NOP9: variants seen among roughly 807,000 people sequenced by gnomAD.
The protein encoded by NOP9 is NOP9 nucleolar protein.
In NOP9, 50 loss-of-function variants were observed where a neutral mutation model predicts 63.0. That is an observed-to-expected ratio of 0.79 (90% CI 0.63 to 1.00). NOP9 has a LOEUF of 1.00. Among genes scored for constraint, NOP9 ranks in the 50% least tolerant of loss-of-function variants. The pLI, the probability that NOP9 is intolerant of heterozygous loss-of-function variation, is 0.00. For synonymous variants in NOP9, 343 were observed against 332.8 expected, an observed-to-expected ratio of 1.03 and a Z score of -0.33; for missense variants, 758 against 803.0, an observed-to-expected ratio of 0.94 and a Z score of 0.68.
the NOP9 span, among the ~76,000 whole-genome samples, chr14:24,282,986 G>A: frequency 5.9e-5 from 9 of 152,210 alleles, no homozygotes; most frequent in Admixed American, 5.2e-4. Flanking sequence ...GCAGTGGGCA[G>A]CAGCATCCCA....
rs774695609 is a variant in NOP9 at position 24,303,230 on chromosome 14, C to G, written c.1284+16C>G. The stretch of plus-strand genomic sequence containing the variant: ...CTTGTTGGAGGTGAGTGGATATTAC[C>G]CACAATCTGTTTATGCCCTCAGTTC... On this transcript the variant is annotated intron_variant, in intron 6 of 9. Transcript: ENST00000267425. The G allele has an allele frequency of 6.2e-7, 1 of 1,613,884 alleles. No individual in the cohort carries two copies. Among genetic ancestry groups the G allele is most frequent in the Non-Finnish European group, 8.5e-7 (1 of 1,179,906 alleles).
chr14:24,279,130 A>G, the NOP9 span, among the ~76,000 whole-genome samples: 9 of 152,186 alleles, frequency 5.9e-5, no homozygotes, highest in Admixed American at 5.9e-4. Context: ...GCATTCAAGC[A>G]TATGTTGGTC....
the NOP9 span, among the ~76,000 whole-genome samples, chr14:24,276,654 G>A: frequency 6.6e-6 from 1 of 152,200 alleles, no homozygotes; most frequent in Non-Finnish European, 1.5e-5. Context: ...GGTCTCTTGG[G>A]TGAGACACGT....
In NOP9 at chr14:24,307,824, A is replaced by T. The variant is rs542250063; in HGVS notation, c.*2729A>T. Reference sequence around the variant, plus strand: ...GCGGAGGGTTAGCAGTCACCTGAGTAAGTCACTGGGGTTCAGAGCTGAGAG... The same window carrying T: ...GCGGAGGGTTAGCAGTCACCTGAGTTAGTCACTGGGGTTCAGAGCTGAGAG... On this transcript the variant is annotated 3_prime_UTR_variant, in exon 10 of 10. Coordinates refer to ENST00000267425, the MANE Select transcript of NOP9 (RefSeq NM_174913.3). 4 of 1,595,516 alleles carry T rather than the reference A, an allele frequency of 2.5e-6. No individual in the cohort carries two copies. The highest frequency in any genetic ancestry group is 3.4e-6 in the Non-Finnish European group (4 of 1,170,700).
chr14:24,301,798 C>T (rs1254307253), intron 3 of NOP9, 76 bp downstream of exon 3: 2 of 1,537,726 alleles, frequency 1.3e-6, no homozygotes, highest in Non-Finnish European at 1.8e-6. Flanking sequence ...AGGCCCTTAC[C>T]TCAGGTTATT....
chr14:24,282,858 C>A, the NOP9 span, among the ~76,000 whole-genome samples: 1 of 152,332 alleles, frequency 6.6e-6, no homozygotes, highest in Admixed American at 6.5e-5. Flanking sequence ...AGGTGGCTGG[C>A]GATCCCTTGG....
In NOP9 at chr14:24,299,921, A is replaced by G; in HGVS notation, c.-34A>G. 6.6e-7 allele frequency: 1 copy of G among 1,512,700 alleles called. No homozygotes were observed. Among genetic ancestry groups the G allele is most frequent in the Non-Finnish European group, 8.8e-7 (1 of 1,132,156 alleles). The allele number at this position is 1,512,700 out of a possible 1,614,324, so 93.7% of individuals were successfully genotyped here. Reference sequence around the variant, plus strand: ...GTCGAAGGTCCGTCCGCAGTTAAGGAAGCTTTTGCAGCCGGACAGGTCGCG... The same window carrying G: ...GTCGAAGGTCCGTCCGCAGTTAAGGGAGCTTTTGCAGCCGGACAGGTCGCG... On this transcript the variant is annotated 5_prime_UTR_variant, in exon 1 of 10. Coordinates refer to ENST00000267425, the MANE Select transcript of NOP9 (RefSeq NM_174913.3).
At chr14:24,288,591 G>A in the NOP9 span, among the ~76,000 whole-genome samples, 1 of 152,050 alleles carries the variant, frequency 6.6e-6, no homozygotes, top group Non-Finnish European at 1.5e-5. Context: ...CTCGTGATCT[G>A]CCTGCGTCAG....
upstream of NOP9, chr14:24,296,415 C>T (rs2041247741): frequency 2.5e-6 from 3 of 1,212,362 alleles, no homozygotes; most frequent in African/African-American, 1.5e-5. Flanking sequence ...TGGGGGAGGC[C>T]GGAGGGAAAA....
chr14:24,291,574 C>T, the NOP9 span: 8 of 1,614,148 alleles, frequency 5.0e-6, no homozygotes, highest in East Asian at 6.7e-5. Context: ...AAAGCCACCA[C>T]ACATTTGCCA....
chr14:24,294,165 G>A, the NOP9 span: 1 of 152,116 alleles, frequency 6.6e-6, no homozygotes, highest in Admixed American at 6.6e-5. Context: ...ATAAACTTGA[G>A]GGAAAAGGCT....
rs1343536919 is a variant in NOP9, at chr14:24,305,304, T to A, written c.*209T>A. 2 of 580,994 alleles carry A rather than the reference T, an allele frequency of 3.4e-6. No individual in the cohort carries two copies. The highest frequency in any genetic ancestry group is 3.8e-5 in the African/African-American group (2 of 52,530). 36.0% of individuals were successfully genotyped at this position (580,994 alleles called of 1,614,324 possible). ...GGCTGTCATCAGTATGCTGGGGAGT[T>A]TAGGGACAGGAGGCATTGGTAGGGG... On this transcript the variant is annotated 3_prime_UTR_variant, in exon 10 of 10. Coordinates refer to ENST00000267425, the MANE Select transcript of NOP9 (RefSeq NM_174913.3).
chr14:24,283,012 C>T, the NOP9 span, among the ~76,000 whole-genome samples: 1 of 152,232 alleles, frequency 6.6e-6, no homozygotes, highest in Non-Finnish European at 1.5e-5. Context: ...AACTGCAGAA[C>T]TCTCAGCACA....
upstream of NOP9, chr14:24,299,091 T>G: frequency 6.2e-7 from 1 of 1,613,288 alleles, no homozygotes; most frequent in Non-Finnish European, 8.5e-7. Context: ...ACTTGGCCAT[T>G]CATGGGAGCT....
In NOP9 at chr14:24,306,253, C is replaced by T; in HGVS notation, c.*1158C>T. On this transcript the variant is annotated 3_prime_UTR_variant, in exon 10 of 10. Coordinates refer to ENST00000267425, the MANE Select transcript of NOP9 (RefSeq NM_174913.3). ...GGACTTTCTGTCCACTGTGTGACAT[C>T]CTTGACAATTCCACAACTCCTCCTG... 1 of 1,529,090 alleles carries T rather than the reference C, an allele frequency of 6.5e-7. No homozygotes were observed. Among genetic ancestry groups the T allele is most frequent in the South Asian group, 1.2e-5 (1 of 84,142 alleles). The allele number at this position is 1,529,090 out of a possible 1,614,324, so 94.7% of individuals were successfully genotyped here.
At chr14:24,288,671 A>G in the NOP9 span, among the ~76,000 whole-genome samples, 1 of 152,212 alleles carries the variant, frequency 6.6e-6, no homozygotes, top group African/African-American at 2.4e-5. Flanking sequence ...TTCGATGGTT[A>G]TGTATTGCTT....
Position 24,304,576 on chromosome 14 carries a change from G to C in NOP9, c.1731G>C (p.Arg577=). 2 of 1,611,838 alleles carry C rather than the reference G, an allele frequency of 1.2e-6. No individual in the cohort carries two copies. The highest frequency in any genetic ancestry group is 2.2e-5 in the South Asian group (2 of 90,694). ...GGAGTGGAGCAGCCTTGAGGGCCCG[G>C]AAGGAAATTGCTGCTGAGCTTGGTG... ...AIWSGAALRA[R]KEIAAELGEQ... Residue 577 remains arginine, a synonymous_variant, in exon 9 of 10, where the codon CGG becomes CGC. Coordinates refer to ENST00000267425, the MANE Select transcript of NOP9 (RefSeq NM_174913.3).
the NOP9 span, chr14:24,291,400 C>A: frequency 5.6e-6 from 6 of 1,065,510 alleles, no homozygotes; most frequent in Non-Finnish European, 8.7e-6. Context: ...GGCTCTCAGA[C>A]CTCAAACTGG....
chr14:24,297,180 G>A (rs2139102494), upstream of NOP9, among the ~76,000 whole-genome samples: 1 of 152,338 alleles, frequency 6.6e-6, no homozygotes, highest in Middle Eastern at 3.4e-3. Flanking sequence ...GTAAGAACAA[G>A]TGAGGCATGG....
Sources: allele counts gnomAD v4.1 joint callset (sites outside exome capture counted in the v4.1 genomes callset), GRCh38; gene constraint gnomAD v4.1.1; transcripts MANE v1.5; gene names NCBI Gene and HGNC (gene_info 2026-07-23, HGNC 2026-07-21).